Variants in VPS13B observed in about 807,000 individuals in gnomAD.
The protein encoded by VPS13B is intermembrane lipid transfer protein VPS13B.
A neutral mutation model predicts 426.4 loss-of-function variants in VPS13B; 285 were observed. The observed-to-expected ratio is 0.67, with a 90% CI of 0.61 to 0.74. The LOEUF (loss-of-function observed/expected upper bound fraction) is 0.74, where lower values mean the gene tolerates loss of function less well. Ranked by LOEUF, VPS13B falls within the 30% of genes least tolerant of loss-of-function variation. The probability of loss-of-function intolerance (pLI) is 0.00; values close to 1 mark genes in which losing one functional copy is unlikely to be tolerated. For synonymous variants in VPS13B, 1,676 were observed against 1,676.4 expected, an observed-to-expected ratio of 1.00 and a Z score of 0.01; for missense variants, 4,537 against 4,782.6, an observed-to-expected ratio of 0.95 and a Z score of 1.51.
chr8:99,642,555 C>A lies in VPS13B; in HGVS notation c.5908+57C>A, dbSNP rs142264256. 132 of 1,437,766 alleles carry A rather than the reference C, an allele frequency of 9.2e-5. 2 individuals are homozygous for A. The African/African-American group carries it at 1.6e-3, about 17-fold the overall frequency. 89.1% of individuals were successfully genotyped at this position (1,437,766 alleles called of 1,614,324 possible). A position where few individuals can be genotyped will look rare whatever the true frequency, so the allele number is the denominator to read the frequency against. On this transcript the variant is annotated intron_variant, in intron 34 of 61. Transcript: ENST00000357162. ...TAATTACTATCTAATAAGTTGTATTCCCATAGTTTCCAGATTGATTAAACA... is the reference window on the plus strand; with the variant it reads ...TAATTACTATCTAATAAGTTGTATTACCATAGTTTCCAGATTGATTAAACA...
At position 99,875,920 on chromosome 8, in the gene VPS13B, TTTCC is replaced by T; in HGVS notation, c.*257_*260del. On this transcript the variant is annotated 3_prime_UTR_variant, in exon 62 of 62. Coordinates refer to ENST00000357162, the MANE Select transcript of VPS13B (RefSeq NM_152564.5). The stretch of plus-strand genomic sequence containing the variant: ...TCTGATATGGACACAAGGCCAACAG[TTTCC>T]TTATTTACATCCTTACCTCTAAAAG... 1 of 495,110 alleles carries T rather than the reference TTTCC, an allele frequency of 2.0e-6. No individual in the cohort carries two copies. Among genetic ancestry groups the T allele is most frequent in the Non-Finnish European group, 3.6e-6 (1 of 274,254 alleles). 30.7% of individuals were successfully genotyped at this position (495,110 alleles called of 1,614,324 possible).
chr8:99,431,501 T>C (rs1213652367), intron 21 of VPS13B, 36 bp from the exon 22 acceptor site: 1 of 1,610,992 alleles, frequency 6.2e-7, no homozygotes, highest in Non-Finnish European at 8.5e-7. Flanking sequence ...TTGTAAGTTA[T>C]GTTTCTATTA....
intron 17 of VPS13B, chr8:99,241,158 A>G (rs561344809): frequency 6.6e-6 from 1 of 152,226 alleles, no homozygotes; most frequent in South Asian, 2.1e-4. Context: ...ATCTTTTTAT[A>G]TGTACTTTGT....
At chr8:99,428,671 A>G (rs1375168806) in intron 21 of VPS13B, among the ~76,000 whole-genome samples, 5 of 152,214 alleles carry the variant, frequency 3.3e-5, no homozygotes, top group Non-Finnish European at 5.9e-5. Context: ...TAACACTTTT[A>G]CACTGTTGGT....
At chr8:99,043,329 T>C (rs550311585) in intron 3 of VPS13B, among the ~76,000 whole-genome samples, 1 of 152,198 alleles carries the variant, frequency 6.6e-6, no homozygotes, top group African/African-American at 2.4e-5. Context: ...AGTACAGTTG[T>C]TTTGGTAGAC....
chr8:99,256,840 A>G (rs1228873199), intron 17 of VPS13B, among the ~76,000 whole-genome samples: 1 of 151,898 alleles, frequency 6.6e-6, no homozygotes, highest in African/African-American at 2.4e-5. Flanking sequence ...GTTTCCCTCC[A>G]TTTTCATAGC....
At chr8:99,488,622 C>A (rs1039484361) in intron 25 of VPS13B, among the ~76,000 whole-genome samples, 1 of 152,114 alleles carries the variant, frequency 6.6e-6, no homozygotes, top group Non-Finnish European at 1.5e-5. Flanking sequence ...TTTAGACCAG[C>A]ATTTTTATTT....
At chr8:99,447,233 C>G (rs1453216096) in intron 23 of VPS13B, among the ~76,000 whole-genome samples, 1 of 152,118 alleles carries the variant, frequency 6.6e-6, no homozygotes, top group African/African-American at 2.4e-5. Context: ...GAGTTCAGAA[C>G]CATTTGAAAC....
At chr8:99,151,557 G>A (rs1588091193) in intron 14 of VPS13B, among the ~76,000 whole-genome samples, 1 of 151,588 alleles carries the variant, frequency 6.6e-6, no homozygotes, top group East Asian at 1.9e-4. Flanking sequence ...TTTTGAGATG[G>A]AGTTTCACTT....
At chr8:99,336,659 T>C (rs1012082446) in intron 19 of VPS13B, among the ~76,000 whole-genome samples, 7 of 152,026 alleles carry the variant, frequency 4.6e-5, no homozygotes, top group African/African-American at 1.7e-4. Flanking sequence ...CTCAAACAAA[T>C]TTACAAGAAA....
intron 2 of VPS13B, among the ~76,000 whole-genome samples, chr8:99,028,345 A>T (rs1431409168): frequency 7.4e-6 from 1 of 134,552 alleles, no homozygotes; most frequent in African/African-American, 2.9e-5. Flanking sequence ...CAGGGGGCTG[A>T]CCCCCCCACC....
rs112069581 is a variant in VPS13B at position 99,284,734 on chromosome 8, G to GTGTGTGTGTA, written c.2824+9483_2824+9484insGTGTGTATGT. On this transcript the variant is annotated intron_variant, in intron 19 of 61. Transcript: ENST00000357162. Reference sequence around the variant, plus strand: ...CCTGGCTAAATTTGTGTGTGTGTGTGTGTTTTTGTAGAGACAGAGTCCCAC... The same window carrying GTGTGTGTGTA: ...CCTGGCTAAATTTGTGTGTGTGTGTGTGTGTGTGTATGTTTTTGTAGAGACAGAGTCCCAC... Among the ~76,000 whole-genome samples, 433 of 150,946 alleles carry GTGTGTGTGTA rather than the reference G, an allele frequency of 2.9e-3. 2 individuals carry two copies. Among genetic ancestry groups the GTGTGTGTGTA allele is most frequent in the South Asian group, 6.3e-3 (30 of 4,774 alleles).
chr8:99,763,562 G>A (rs1425541662), intron 39 of VPS13B, among the ~76,000 whole-genome samples: 1 of 152,170 alleles, frequency 6.6e-6, no homozygotes, highest in African/African-American at 2.4e-5. Context: ...GTTCAGAAAA[G>A]AGAAAGGATT....
At chr8:99,262,769 C>CTGCTGTTGTTGT (rs1818110621) in intron 17 of VPS13B, among the ~76,000 whole-genome samples, 1 of 149,910 alleles carries the variant, frequency 6.7e-6, no homozygotes, top group Non-Finnish European at 1.5e-5. Context: ...TTTGGATGGT[C>CTGCTGTTGTTGT]TGTTGTTGTT....
At chr8:99,056,032 T>C (rs1843831802) in intron 3 of VPS13B, among the ~76,000 whole-genome samples, 1 of 151,400 alleles carries the variant, frequency 6.6e-6, no homozygotes, top group Admixed American at 6.6e-5. Flanking sequence ...TGAGCCACCA[T>C]GCTTAGCTGT....
intron 31 of VPS13B, among the ~76,000 whole-genome samples, chr8:99,564,851 C>T (rs892880283): frequency 2.0e-5 from 3 of 152,196 alleles, no homozygotes; most frequent in African/African-American, 7.2e-5. Context: ...TACTAGTCAA[C>T]TACTTTTCTT....
intron 5 of VPS13B, among the ~76,000 whole-genome samples, chr8:99,110,171 A>G (rs1847287052): frequency 6.6e-6 from 1 of 152,172 alleles, no homozygotes; most frequent in Admixed American, 6.5e-5. Context: ...ATAAAATAAA[A>G]TGTTGAATTA....
rs180857150 is a variant in VPS13B at position 99,389,905 on chromosome 8, C to G, written c.2935-1652C>G. ...TATAAGAGGTTTTCTAGTCCACCCC[C>G]CCTCCTTATGTTTTAGATGAGGAAA... On this transcript the variant is annotated intron_variant, in intron 20 of 61. Coordinates refer to ENST00000357162, the MANE Select transcript of VPS13B (RefSeq NM_152564.5). Among the ~76,000 whole-genome samples the G allele has an allele frequency of 4.6e-5, 7 of 152,090 alleles. No individual in the cohort carries two copies. The South Asian group carries it at 1.5e-3, about 32-fold the overall frequency.
chr8:99,090,267 C>CTTT (rs1205594894), intron 3 of VPS13B, among the ~76,000 whole-genome samples: 2 of 136,162 alleles, frequency 1.5e-5, no homozygotes, highest in East Asian at 2.1e-4. Flanking sequence ...TAATCATAAA[C>CTTT]TTTTTTTTTT....
Sources: gnomAD v4.1 joint callset for allele counts (sites outside exome capture counted in the v4.1 genomes callset) on GRCh38, gnomAD v4.1.1 for gene constraint, MANE v1.5 for transcripts, NCBI Gene and HGNC (gene_info 2026-07-23, HGNC 2026-07-21) for gene names.